MON2: variants seen among roughly 807,000 people sequenced by gnomAD.
MON2 encodes the protein MON2 regulator of endosome-to-Golgi trafficking.
In MON2, 84 loss-of-function variants were observed where a neutral mutation model predicts 208.6. That is an observed-to-expected ratio of 0.40 (90% CI 0.34 to 0.48). MON2 has a LOEUF of 0.48. Ranked by LOEUF, MON2 falls within the 20% of genes least tolerant of loss-of-function variation. The pLI is 0.59. For missense variants in MON2, 1,611 were observed against 2,015.4 expected (o/e 0.80, Z 3.84); for synonymous variants, 660 against 694.0 (o/e 0.95, Z 0.77).
chr12:62,500,644 C>T (rs901872703), intron 5 of MON2, 139 bp from the exon 6 acceptor site: 31 of 496,568 alleles, frequency 6.2e-5, no homozygotes, highest in South Asian at 2.2e-4. Context: ...CATATGTTAA[C>T]ATTGGAAATT....
At chr12:62,490,108 C>CT in intron 2 of MON2, 1 of 571,020 alleles carries the variant, frequency 1.8e-6, no homozygotes, top group South Asian at 1.8e-5. Flanking sequence ...CCTGGTGGAC[C>CT]TTTTTCAGGT....
At chr12:62,562,712 C>A (rs1035545137) in intron 26 of MON2, among the ~76,000 whole-genome samples, 2 of 152,068 alleles carry the variant, frequency 1.3e-5, no homozygotes, top group Non-Finnish European at 2.9e-5. Context: ...AGTTATCGAG[C>A]AAAACACTTT....
Position 62,580,277 on chromosome 12 carries a change from A to G in MON2, c.4576-20A>G, listed in dbSNP as rs1373863429. On this transcript the variant is annotated intron_variant, in intron 31 of 34. Transcript: ENST00000393630. The stretch of plus-strand genomic sequence containing the variant: ...CTTTCAAAGAAAACAATACATTTGC[A>G]TTTGCCTCTTTTGTTTTAGGTAGTT... 5 of 1,602,204 alleles carry G rather than the reference A, an allele frequency of 3.1e-6. No homozygotes were observed. The highest frequency in any genetic ancestry group is 2.7e-5 in the African/African-American group (2 of 74,486).
chr12:62,509,177 C>T (rs1304806495), intron 8 of MON2: 3 of 149,660 alleles, frequency 2.0e-5, no homozygotes, highest in Admixed American at 6.7e-5. Context: ...TGTAGTGGCA[C>T]AATCTCGGCT....
At chr12:62,477,119 G>A (rs905620800) in intron 1 of MON2, among the ~76,000 whole-genome samples, 2 of 151,992 alleles carry the variant, frequency 1.3e-5, no homozygotes, top group Non-Finnish European at 2.9e-5. Flanking sequence ...CACTGTACTG[G>A]GTAGGTCCAT....
chr12:62,580,139 G>C (rs1396609609), intron 31 of MON2, among the ~76,000 whole-genome samples, 158 bp from the exon 32 acceptor site: 1 of 152,146 alleles, frequency 6.6e-6, no homozygotes, highest in African/African-American at 2.4e-5. Flanking sequence ...CAGATTAGTA[G>C]TCATTCTGTA....
intron 23 of MON2, among the ~76,000 whole-genome samples, chr12:62,551,027 C>T (rs973616985): frequency 6.8e-6 from 1 of 147,844 alleles, no homozygotes; most frequent in African/African-American, 2.5e-5. Context: ...TCAAGTGATT[C>T]TCCTGCCTCA....
rs192421969 is a variant in MON2, at chr12:62,572,884, C to T, written c.4514+1302C>T. ...GATTTGATGTACTTGAAGAAAAAAA[C>T]TACATTGGCATATGGATAATGATTG... On this transcript the variant is annotated intron_variant, in intron 30 of 34. Transcript: ENST00000393630. Among the ~76,000 whole-genome samples the T allele has an allele frequency of 1.9e-3, 283 of 152,222 alleles. 1 individual carries two copies. Among genetic ancestry groups the T allele is most frequent in the Non-Finnish European group, 2.9e-3 (199 of 68,018 alleles).
intron 1 of MON2, among the ~76,000 whole-genome samples, chr12:62,474,343 C>G (rs558159090): frequency 3.3e-5 from 5 of 152,200 alleles, no homozygotes; most frequent in Non-Finnish European, 7.4e-5. Context: ...GTCTCGAACT[C>G]CTGACCTCAG....
At chr12:62,575,273 G>C (rs2074733510) in intron 30 of MON2, among the ~76,000 whole-genome samples, 1 of 152,168 alleles carries the variant, frequency 6.6e-6, no homozygotes, top group African/African-American at 2.4e-5. Flanking sequence ...AGCTTTTATT[G>C]GTCAGTTGAT....
intron 9 of MON2, among the ~76,000 whole-genome samples, chr12:62,524,842 A>G (rs943307571): frequency 1.3e-5 from 2 of 152,134 alleles, no homozygotes; most frequent in Non-Finnish European, 2.9e-5. Context: ...TGAGGTAAAC[A>G]CATGTGGTGA....
chr12:62,570,534 C>T (rs1315200141), intron 29 of MON2, among the ~76,000 whole-genome samples: 3 of 151,964 alleles, frequency 2.0e-5, no homozygotes, highest in Non-Finnish European at 1.5e-5. Context: ...GCCGTTTCAT[C>T]GTTGTCTGAA....
Position 62,541,869 on chromosome 12 carries a change from G to T in MON2, c.2365-1228G>T, listed in dbSNP as rs556814518. On this transcript the variant is annotated intron_variant, in intron 19 of 34. Coordinates refer to ENST00000393630, the MANE Select transcript of MON2 (RefSeq NM_015026.3). ...CTAGTTAAAATAAGTAAGAGGAAGA[G>T]GAGGAATAAAGAAGTAATATTAGGC... Among the ~76,000 whole-genome samples, 9 of 152,278 alleles carry T rather than the reference G, an allele frequency of 5.9e-5. 1 individual carries two copies. The highest frequency in any genetic ancestry group is 1.7e-4 in the African/African-American group (7 of 41,572).
chr12:62,488,611 C>A (rs1328858897), intron 2 of MON2, among the ~76,000 whole-genome samples: 2 of 152,068 alleles, frequency 1.3e-5, no homozygotes, highest in Non-Finnish European at 2.9e-5. Context: ...CAGTGTATCA[C>A]ATTTAGGCAG....
intron 7 of MON2, among the ~76,000 whole-genome samples, chr12:62,507,192 A>G (rs1423959794): frequency 1.3e-5 from 2 of 152,208 alleles, no homozygotes; most frequent in Admixed American, 6.5e-5. Flanking sequence ...TGAAAAATGA[A>G]ATCAGTGAAT....
At chr12:62,482,208 C>T (rs1480289308) in intron 1 of MON2, 1 of 152,166 alleles carries the variant, frequency 6.6e-6, no homozygotes, top group East Asian at 1.9e-4. Flanking sequence ...GGAAAAGCAT[C>T]TACATTTTCA....
At chr12:62,527,477 C>T (rs10877869) in intron 11 of MON2, among the ~76,000 whole-genome samples, 53,913 of 151,836 alleles carry the variant, frequency 0.36, 9,710 homozygotes, top group African/African-American at 0.38. Context: ...TAGGCTTTGC[C>T]TTGTACAAAA....
intron 7 of MON2, 54 bp from the exon 8 acceptor site, chr12:62,508,232 A>G: frequency 7.1e-7 from 1 of 1,410,928 alleles, no homozygotes; most frequent in East Asian, 2.3e-5. Flanking sequence ...TTTTGGAAGT[A>G]TTAAGTACAA....
intron 8 of MON2, among the ~76,000 whole-genome samples, chr12:62,519,224 C>G (rs2071871748): frequency 1.3e-5 from 2 of 152,126 alleles, no homozygotes; most frequent in African/African-American, 4.8e-5. Context: ...CCCTGGCTGT[C>G]TGCCACCTCT....
Sources: gnomAD v4.1 joint callset for allele counts (sites outside exome capture counted in the v4.1 genomes callset) on GRCh38, gnomAD v4.1.1 for gene constraint, MANE v1.5 for transcripts, NCBI Gene and HGNC (gene_info 2026-07-23, HGNC 2026-07-21) for gene names.